The following NHSL1 variants were observed in gnomAD, a reference collection of about 807,000 sequenced individuals.
The protein encoded by NHSL1 is NHS-like protein 1.
A neutral mutation model predicts 95.0 loss-of-function variants in NHSL1; 48 were observed. That is an observed-to-expected ratio of 0.51 (90% CI 0.40 to 0.64). The LOEUF is 0.64. Among genes scored for constraint, NHSL1 ranks in the 30% least tolerant of loss-of-function variants. The pLI, the probability that NHSL1 is intolerant of heterozygous loss-of-function variation, is 0.00. For synonymous variants in NHSL1, 783 were observed against 833.9 expected (o/e 0.94, Z 1.05); for missense variants, 1,971 against 2,077.7 (o/e 0.95, Z 1.00).
chr6:138,476,957 TAAAAAAAAAAAA>T (rs58311101), intron 2 of NHSL1, among the ~76,000 whole-genome samples: 25,299 of 100,668 alleles, frequency 0.25, 2,316 homozygotes, highest in African/African-American at 0.32. Context: ...TCCCTGAATC[TAAAAAAAAAAAA>T]AAAAAAAAAA....
At chr6:138,538,103 T>C (rs931274216) in intron 1 of NHSL1, among the ~76,000 whole-genome samples, 1 of 152,220 alleles carries the variant, frequency 6.6e-6, no homozygotes, top group Non-Finnish European at 1.5e-5. Context: ...ATTAGCCACC[T>C]TGGGACAATA....
At chr6:138,668,868 C>T (rs180799555) in intron 1 of NHSL1, among the ~76,000 whole-genome samples, 1 of 152,208 alleles carries the variant, frequency 6.6e-6, no homozygotes, top group East Asian at 1.9e-4. Flanking sequence ...GTGATCCACC[C>T]ACCTCGGCCT....
chr6:138,673,680 G>A (rs1350335317), intron 1 of NHSL1, among the ~76,000 whole-genome samples: 3 of 152,120 alleles, frequency 2.0e-5, no homozygotes, highest in Non-Finnish European at 4.4e-5. Flanking sequence ...AACTCCTTCT[G>A]GAACATAAAT....
intron 1 of NHSL1, among the ~76,000 whole-genome samples, chr6:138,676,213 G>A (rs1472823108): frequency 6.6e-6 from 1 of 151,910 alleles, no homozygotes; most frequent in East Asian, 1.9e-4. Context: ...CTTTCAGAAT[G>A]GAATATCGTG....
chr6:138,621,261 T>C (rs1296671556), intron 1 of NHSL1, among the ~76,000 whole-genome samples: 6 of 152,188 alleles, frequency 3.9e-5, no homozygotes, highest in Admixed American at 3.9e-4. Context: ...GTATGCTTCA[T>C]TCATTATCAT....
chr6:138,531,301 A>T (rs1389538849), intron 1 of NHSL1, among the ~76,000 whole-genome samples: 1 of 152,236 alleles, frequency 6.6e-6, no homozygotes, highest in African/African-American at 2.4e-5. Context: ...AGTCTTGAAT[A>T]ACTGCCTTTG....
At chr6:138,691,952 T>C (rs958412283) in intron 1 of NHSL1, 5 of 456,616 alleles carry the variant, frequency 1.1e-5, no homozygotes, top group African/African-American at 6.0e-5. Flanking sequence ...TAGTTTTGCT[T>C]GTCGGTAAGA....
chr6:138,632,196 G>C (rs192717810), intron 1 of NHSL1, among the ~76,000 whole-genome samples: 8 of 152,324 alleles, frequency 5.3e-5, no homozygotes, highest in African/African-American at 1.7e-4. Context: ...TGCCAGTTGA[G>C]CCACAGTATA....
intron 1 of NHSL1, among the ~76,000 whole-genome samples, chr6:138,551,826 C>T (rs899064387): frequency 2.6e-5 from 4 of 152,192 alleles, no homozygotes; most frequent in Non-Finnish European, 5.9e-5. Context: ...TTGCTCTGGA[C>T]ACTGCCTCTC....
At chr6:138,531,922 G>GTA (rs901207582) in intron 1 of NHSL1, among the ~76,000 whole-genome samples, 2 of 152,140 alleles carry the variant, frequency 1.3e-5, no homozygotes, top group African/African-American at 4.8e-5. Context: ...GTGCTTCTTG[G>GTA]TATCAATGGT....
At chr6:138,626,749 C>T (rs1784743191) in intron 1 of NHSL1, among the ~76,000 whole-genome samples, 1 of 117,434 alleles carries the variant, frequency 8.5e-6, no homozygotes, top group Admixed American at 8.4e-5. Context: ...AAAAAATTAG[C>T]CGGGCGTAGT....
rs1562256924 is a variant in NHSL1 at position 138,430,713 on chromosome 6, T to A, written c.3632A>T (p.Asp1211Val). ...GTTCTCTGCGGGCTCCACTGCAAAATCTTTCTGCGGAGGTGGTACCACCAG... is the reference window on the plus strand; with the variant it reads ...GTTCTCTGCGGGCTCCACTGCAAAAACTTTCTGCGGAGGTGGTACCACCAG... ...LFLVVPPPQK[D>V]FAVEPAENVS... is the part of the protein sequence containing the mutation. Residue 1211 changes from aspartate to valine, a missense_variant, in exon 6 of 8, where the codon GAT becomes GTT. Asp to Val is a radical substitution (Grantham distance 152, BLOSUM62 -3). This residue lies in a region of NHSL1 where 1,602 missense variants were observed against 1,654.5 expected (regional missense o/e 0.97). Transcript: ENST00000343505. The surrounding 1 kb of genome is among the most constrained non-coding windows in gnomAD (Gnocchi z 4.7). 1.3e-6 allele frequency: 2 copies of A among 1,551,654 alleles called. No homozygotes were observed. The highest frequency in any genetic ancestry group is 1.7e-6 in the Non-Finnish European group (2 of 1,146,996).
At chr6:138,690,830 TG>T (rs1373671788) in intron 1 of NHSL1, among the ~76,000 whole-genome samples, 2 of 152,202 alleles carry the variant, frequency 1.3e-5, no homozygotes, top group Non-Finnish European at 2.9e-5. Context: ...ATGGAGAATT[TG>T]GGGGATTTCT....
chr6:138,480,259 C>T (rs911136215), intron 2 of NHSL1, among the ~76,000 whole-genome samples: 1 of 152,178 alleles, frequency 6.6e-6, no homozygotes, highest in African/African-American at 2.4e-5. Context: ...AGGTTTCACA[C>T]CCTGTGAATA....
rs1161939629 is a variant in NHSL1 at position 138,635,582 on chromosome 6, T to C, written c.96+56894A>G. Among the ~76,000 whole-genome samples the C allele has an allele frequency of 2.0e-5, 3 of 152,120 alleles. No homozygotes were observed. In the East Asian group the frequency reaches 5.8e-4, roughly 29 times the overall value. ...AGACCCAATGGTTTAACTGCTGAAT[T>C]CTACCAAACATTTAAAGAAGAACTA... On this transcript the variant is annotated intron_variant, in intron 1 of 3. Transcript: ENST00000491526.
chr6:138,647,284 T>C (rs1339834333), intron 1 of NHSL1, among the ~76,000 whole-genome samples: 4 of 152,232 alleles, frequency 2.6e-5, no homozygotes, highest in Non-Finnish European at 4.4e-5. Context: ...GAAAGTTTTA[T>C]ACTTAAGCCA....
intron 1 of NHSL1, among the ~76,000 whole-genome samples, chr6:138,673,630 A>C (rs1382829546): frequency 2.0e-5 from 3 of 152,234 alleles, no homozygotes; most frequent in Non-Finnish European, 4.4e-5. Flanking sequence ...TCGAACTTGA[A>C]AGAAAAATGT....
rs1302744695 is a variant in NHSL1 at position 138,476,909 on chromosome 6, T to C, written c.212-3476A>G. Among the ~76,000 whole-genome samples, 28 of 146,670 alleles carry C rather than the reference T, an allele frequency of 1.9e-4. No homozygotes were observed. The Admixed American group carries it at 1.9e-3, about 10-fold the overall frequency. On this transcript the variant is annotated intron_variant, in intron 2 of 7. Coordinates refer to ENST00000343505, the MANE Select transcript of NHSL1 (RefSeq NM_001144060.2). ...TACACTACAAGCCCAAAGCTCACCA[T>C]TACACAATATACCCATGTAACAAAC...
rs1562262815 is a variant in NHSL1 at position 138,432,508 on chromosome 6, T to C, written c.1837A>G (p.Thr613Ala). The part of the protein sequence containing the change: ...DHDGYCASVH[T>A]DSGHGSGNLC... Reference sequence around the variant, plus strand: ...TTCCCAGATCCATGTCCAGAGTCAGTGTGCACAGATGCACAGTAGCCATCG... The same window carrying C: ...TTCCCAGATCCATGTCCAGAGTCAGCGTGCACAGATGCACAGTAGCCATCG... Residue 613 changes from threonine to alanine, a missense_variant, in exon 6 of 8, where the codon ACT (threonine) becomes GCT (alanine). Transcript: ENST00000343505. The surrounding 1 kb of genome is among the most constrained non-coding windows in gnomAD (Gnocchi z 4.4). 3.9e-6 allele frequency: 6 copies of C among 1,552,272 alleles called. No homozygotes were observed. Among genetic ancestry groups the C allele is most frequent in the Non-Finnish European group, 5.2e-6 (6 of 1,147,084 alleles).
Sources: gnomAD v4.1 joint callset for allele counts (sites outside exome capture counted in the v4.1 genomes callset) on GRCh38, gnomAD v4.1.1 for gene constraint, gnomAD v4.1.1 regional missense constraint, Gnocchi (gnomAD v3.1) non-coding constraint, MANE v1.5 for transcripts, NCBI Gene and HGNC (gene_info 2026-07-23, HGNC 2026-07-21) for gene names.